Variants in FBXL7 observed in about 807,000 individuals in gnomAD.
FBXL7 encodes F-box and leucine rich repeat protein 7, also known as F-box/LRR-repeat protein 7.
Under a neutral mutation model 38.3 loss-of-function variants are expected in FBXL7, and 12 were observed. The ratio of observed to expected loss-of-function variants is 0.31; its 90% CI spans 0.20 to 0.51. FBXL7 has a LOEUF of 0.51. Ranked by LOEUF, FBXL7 falls within the 20% of genes least tolerant of loss-of-function variation. The pLI is 0.98. For missense variants in FBXL7, 567 were observed against 676.4 expected (o/e 0.84, Z 1.79); for synonymous variants, 297 against 300.9 (o/e 0.99, Z 0.13).
At chr5:15,507,784 C>T (rs1288133344) in intron 1 of FBXL7, among the ~76,000 whole-genome samples, 1 of 152,158 alleles carries the variant, frequency 6.6e-6, no homozygotes, top group Non-Finnish European at 1.5e-5. Context: ...TGGCTCACTC[C>T]TATAATCCCA....
rs148161586 is a variant in FBXL7, at chr5:15,744,069, G to T, written c.127+127997G>T. 1.8e-3 allele frequency among the ~76,000 whole-genome samples: 280 copies of T among 152,312 alleles called. 2 individuals carry two copies. The highest frequency in any genetic ancestry group is 6.3e-3 in the African/African-American group (260 of 41,564). On this transcript the variant is annotated intron_variant, in intron 2 of 3. Transcript: ENST00000504595. ...AGGCCTCCAGGCCTGTGAAGGGAGG[G>T]GCTGCTGTGAAGACCTCTGACATGT...
Position 15,883,766 on chromosome 5 carries a change from T to C in FBXL7, c.128-44124T>C, listed in dbSNP as rs181962530. The stretch of plus-strand genomic sequence containing the variant: ...GGCTGAGTCATTCAAACTAATTAAA[T>C]TCTAAAACCCACCTATTTTTACCAG... On this transcript the variant is annotated intron_variant, in intron 2 of 3. Coordinates refer to ENST00000504595, the MANE Select transcript of FBXL7 (RefSeq NM_012304.5). 3.2e-4 allele frequency among the ~76,000 whole-genome samples: 48 copies of C among 152,294 alleles called. 1 individual carries two copies. The highest frequency in any genetic ancestry group is 1.2e-3 in the African/African-American group (48 of 41,562).
intron 1 of FBXL7, among the ~76,000 whole-genome samples, chr5:15,569,252 C>T (rs1738687224): frequency 1.3e-5 from 2 of 151,688 alleles, no homozygotes; most frequent in Admixed American, 1.3e-4. Flanking sequence ...TGTTTGTATC[C>T]TCTTTTATTT....
chr5:15,682,376 G>A (rs1023343850), intron 2 of FBXL7, among the ~76,000 whole-genome samples: 2 of 152,146 alleles, frequency 1.3e-5, no homozygotes, highest in Non-Finnish European at 2.9e-5. Flanking sequence ...TGGCCTTAGG[G>A]TGTATCCAGG....
intron 2 of FBXL7, among the ~76,000 whole-genome samples, chr5:15,671,572 A>G (rs1342708271): frequency 1.3e-5 from 2 of 152,264 alleles, no homozygotes; most frequent in African/African-American, 2.4e-5. Flanking sequence ...TCTTAGCCGA[A>G]AGGCTGAGAA....
intron 1 of FBXL7, among the ~76,000 whole-genome samples, chr5:15,586,012 C>T (rs1429039): frequency 0.52 from 79,780 of 152,012 alleles, 21,769 homozygotes; most frequent in African/African-American, 0.66. Flanking sequence ...TGGAGCCAGT[C>T]TCCTTAGTGA....
chr5:15,904,327 A>G (rs1741304182), intron 2 of FBXL7, among the ~76,000 whole-genome samples: 1 of 152,218 alleles, frequency 6.6e-6, no homozygotes, highest in African/African-American at 2.4e-5. Context: ...CATAACCGTC[A>G]TGTGAATACA....
intron 1 of FBXL7, among the ~76,000 whole-genome samples, chr5:15,536,376 C>T (rs953139381): frequency 6.6e-6 from 1 of 152,224 alleles, no homozygotes; most frequent in Admixed American, 6.5e-5. Flanking sequence ...GGAAAAGCTG[C>T]AAGCACTCAA....
At chr5:15,668,977 C>T (rs116733807) in intron 2 of FBXL7, among the ~76,000 whole-genome samples, 24 of 152,248 alleles carry the variant, frequency 1.6e-4, no homozygotes, top group African/African-American at 5.8e-4. Flanking sequence ...AATACATATA[C>T]AATGCTTAGA....
At chr5:15,511,344 A>AAT (rs1736791574) in intron 1 of FBXL7, among the ~76,000 whole-genome samples, 1 of 152,178 alleles carries the variant, frequency 6.6e-6, no homozygotes, top group South Asian at 2.1e-4. Context: ...GGTGTTCTCT[A>AAT]GGTTCTCCAG....
intron 2 of FBXL7, among the ~76,000 whole-genome samples, chr5:15,683,672 C>T (rs1742922067): frequency 6.6e-6 from 1 of 152,190 alleles, no homozygotes; most frequent in Non-Finnish European, 1.5e-5. Flanking sequence ...CACCCCTCTA[C>T]TCCTGGGGGA....
intron 2 of FBXL7, among the ~76,000 whole-genome samples, chr5:15,913,255 G>GT (rs10711947): frequency 0.013 from 1,682 of 126,044 alleles, 34 homozygotes; most frequent in African/African-American, 0.043. Context: ...TTTTTTTAAT[G>GT]TTTTTTTTTA....
chr5:15,647,941 C>T (rs1741584796), intron 2 of FBXL7, among the ~76,000 whole-genome samples: 1 of 152,234 alleles, frequency 6.6e-6, no homozygotes, highest in Non-Finnish European at 1.5e-5. Flanking sequence ...CACACTGCCT[C>T]TGTGAAGCCT....
At chr5:15,870,323 G>T (rs756039251) in intron 2 of FBXL7, among the ~76,000 whole-genome samples, 10 of 152,108 alleles carry the variant, frequency 6.6e-5, no homozygotes, top group Non-Finnish European at 1.2e-4. Flanking sequence ...TGGTGAGGTG[G>T]CACAGACAAA....
chr5:15,889,543 C>A (rs1740817270), intron 2 of FBXL7, among the ~76,000 whole-genome samples: 1 of 152,264 alleles, frequency 6.6e-6, no homozygotes, highest in African/African-American at 2.4e-5. Context: ...CAAATGTATG[C>A]CAGTGATGTT....
chr5:15,691,601 A>C (rs549064346), intron 2 of FBXL7, among the ~76,000 whole-genome samples: 1 of 152,242 alleles, frequency 6.6e-6, no homozygotes, highest in South Asian at 2.1e-4. Flanking sequence ...TTTTCCTCTG[A>C]TGCCTGTTAC....
chr5:15,646,015 T>A (rs1741519549), intron 2 of FBXL7, among the ~76,000 whole-genome samples: 1 of 152,172 alleles, frequency 6.6e-6, no homozygotes, highest in Non-Finnish European at 1.5e-5. Context: ...TGGGTAGAGT[T>A]GGAGGAGGGG....
rs184817283 is a variant in FBXL7, at chr5:15,797,799, G to A, written c.128-130091G>A. Among the ~76,000 whole-genome samples, 963 of 111,390 alleles carry A rather than the reference G, an allele frequency of 8.6e-3. 6 individuals are homozygous for A. The highest frequency in any genetic ancestry group is 0.016 in the Non-Finnish European group (674 of 41,320). The allele number at this position is 111,390 out of a possible 152,430, so 73.1% of individuals were successfully genotyped here. On this transcript the variant is annotated intron_variant, in intron 2 of 3. Coordinates refer to ENST00000504595, the MANE Select transcript of FBXL7 (RefSeq NM_012304.5). Reference sequence around the variant, plus strand: ...GATTTCAGTAATAGCCTACAATTTAGACGAGAAATTTGTGACGTCTGTGTT... The same window carrying A: ...GATTTCAGTAATAGCCTACAATTTAAACGAGAAATTTGTGACGTCTGTGTT...
intron 2 of FBXL7, among the ~76,000 whole-genome samples, chr5:15,677,544 A>AAAGG (rs772189330): frequency 8.0e-4 from 121 of 151,668 alleles, no homozygotes; most frequent in African/African-American, 1.2e-3. Flanking sequence ...GGAGGGAAGG[A>AAAGG]AAGGAAGGAA....
Sources: allele counts gnomAD v4.1 joint callset (sites outside exome capture counted in the v4.1 genomes callset), GRCh38; gene constraint gnomAD v4.1.1; transcripts MANE v1.5; gene names NCBI Gene and HGNC (gene_info 2026-07-23, HGNC 2026-07-21).